The following LIN28B variants were observed in gnomAD, a reference collection of about 807,000 sequenced individuals.
LIN28B encodes lin-28 RNA binding posttranscriptional regulator B.
LIN28B carries 5 observed loss-of-function variants against 21.9 expected under a neutral mutation model. The observed-to-expected ratio is 0.23, with a 90% CI of 0.12 to 0.48. The LOEUF is 0.48. Among genes scored for constraint, LIN28B ranks in the 20% least tolerant of loss-of-function variants. The probability of loss-of-function intolerance (pLI) is 0.98; values close to 1 mark genes in which losing one functional copy is unlikely to be tolerated. For synonymous variants in LIN28B, 109 were observed against 111.3 expected (o/e 0.98, Z 0.13); for missense variants, 245 against 310.5 (o/e 0.79, Z 1.58).
At chr6:105,035,413 A>T (rs1771502964) in intron 3 of LIN28B, among the ~76,000 whole-genome samples, 1 of 152,094 alleles carries the variant, frequency 6.6e-6, no homozygotes, top group Non-Finnish European at 1.5e-5. Context: ...GCATGAATTG[A>T]TAGTCTAGAT....
At chr6:105,064,348 T>C (rs961413079) in intron 3 of LIN28B, among the ~76,000 whole-genome samples, 19 of 152,326 alleles carry the variant, frequency 1.2e-4, no homozygotes, top group African/African-American at 4.6e-4. Context: ...ACTGGCTTTT[T>C]CCACAGTGGG....
chr6:105,031,384 A>G (rs1771419610), intron 3 of LIN28B, among the ~76,000 whole-genome samples: 1 of 152,080 alleles, frequency 6.6e-6, no homozygotes, highest in South Asian at 2.1e-4. Flanking sequence ...AAATAATGAT[A>G]TTAAATAATT....
chr6:104,996,404 A>G (rs1312428107), intron 2 of LIN28B, among the ~76,000 whole-genome samples: 3 of 152,194 alleles, frequency 2.0e-5, no homozygotes, highest in African/African-American at 7.2e-5. Context: ...GTGTTCTCTG[A>G]AATTGTTTAT....
At position 105,082,988 on chromosome 6, in the gene LIN28B, C is replaced by T. The variant is rs1364840796; in HGVS notation, c.*4205C>T. ...AACCGTACTAGAGACCAAAGTGAAC[C>T]CTGATTTTTATATGTCTTTAATAAT... On this transcript the variant is annotated 3_prime_UTR_variant, in exon 4 of 4. Transcript: ENST00000345080. 6.6e-6 allele frequency: 1 copy of T among 152,392 alleles called. No individual in the cohort carries two copies. The allele number at this position is 152,392 out of a possible 1,614,324, so 9.4% of individuals were successfully genotyped here. A position where few individuals can be genotyped will look rare whatever the true frequency, so the allele number is the denominator to read the frequency against.
At chr6:105,076,843 A>G (rs1236476488) in intron 3 of LIN28B, among the ~76,000 whole-genome samples, 1 of 151,800 alleles carries the variant, frequency 6.6e-6, no homozygotes, top group African/African-American at 2.4e-5. Flanking sequence ...TGACCTCATA[A>G]TCCGCCTGTC....
chr6:105,075,060 A>T (rs1024191383), intron 3 of LIN28B, among the ~76,000 whole-genome samples: 1 of 152,232 alleles, frequency 6.6e-6, no homozygotes, highest in Non-Finnish European at 1.5e-5. Context: ...CCATTGGTTC[A>T]GCATTTAATA....
chr6:104,991,328 C>G (rs1770471941), intron 2 of LIN28B, among the ~76,000 whole-genome samples: 1 of 150,602 alleles, frequency 6.6e-6, no homozygotes, highest in African/African-American at 2.4e-5. Flanking sequence ...GGCTCCTCAC[C>G]TCTCAGAGTG....
rs10562331 is a variant in LIN28B, at chr6:104,938,050, C to CAAAAAAAAAAAAA, written c.18+950_18+962dup. 5.4e-5 allele frequency among the ~76,000 whole-genome samples: 4 copies of CAAAAAAAAAAAAA among 73,710 alleles called. 1 individual carries two copies. The highest frequency in any genetic ancestry group is 2.5e-4 in the African/African-American group (4 of 16,268). The allele number at this position is 73,710 out of a possible 152,430, so 48.4% of individuals were successfully genotyped here. ...GCAACAGAGCAAGAACCTGTCTCTA[C>CAAAAAAAAAAAAA]AAAAAAAAAAAAAAAAAAAAAAAAA... On this transcript the variant is annotated intron_variant, in intron 2 of 5. Transcript: ENST00000635857.
intron 3 of LIN28B, among the ~76,000 whole-genome samples, chr6:105,060,208 C>G (rs191867693): frequency 4.6e-5 from 7 of 152,066 alleles, no homozygotes; most frequent in African/African-American, 1.7e-4. Context: ...CAGCCTTTTA[C>G]TCTGTTTTTT....
At chr6:104,971,451 G>T (rs1340197876) in intron 2 of LIN28B, among the ~76,000 whole-genome samples, 1 of 151,930 alleles carries the variant, frequency 6.6e-6, no homozygotes, top group African/African-American at 2.4e-5. Context: ...CAATCTTTTG[G>T]TCTGCTTTTA....
intron 3 of LIN28B, among the ~76,000 whole-genome samples, chr6:105,047,198 G>A: frequency 6.6e-6 from 1 of 152,134 alleles, no homozygotes; most frequent in Admixed American, 6.5e-5. Flanking sequence ...TTTTGTATAA[G>A]GTGTAAGGAA....
chr6:104,977,373 G>A (rs1770121761), intron 2 of LIN28B, among the ~76,000 whole-genome samples: 1 of 152,052 alleles, frequency 6.6e-6, no homozygotes, highest in Non-Finnish European at 1.5e-5. Context: ...CTTTCTCCAA[G>A]GGCTTTCTAG....
intron 3 of LIN28B, among the ~76,000 whole-genome samples, chr6:105,034,469 G>T (rs1771486490): frequency 6.6e-6 from 1 of 151,980 alleles, no homozygotes; most frequent in Non-Finnish European, 1.5e-5. Context: ...AAAAAAAGAT[G>T]TTTGATGTTA....
intron 2 of LIN28B, among the ~76,000 whole-genome samples, chr6:105,019,274 T>G (rs940995285): frequency 4.6e-5 from 7 of 152,166 alleles, no homozygotes; most frequent in African/African-American, 1.4e-4. Flanking sequence ...GCTGTATGTT[T>G]TATGATTCTT....
intron 1 of LIN28B, 91 bp downstream of exon 1, chr6:104,957,351 C>CG (rs77092975): frequency 1.3e-5 from 11 of 834,954 alleles, no homozygotes; most frequent in African/African-American, 9.1e-5. Flanking sequence ...ACCGTCCCCC[C>CG]CTTCCCCTTT....
intron 2 of LIN28B, among the ~76,000 whole-genome samples, chr6:104,960,621 G>T (rs1180514330): frequency 2.7e-5 from 4 of 149,908 alleles, no homozygotes; most frequent in Non-Finnish European, 4.4e-5. Flanking sequence ...TTTTTTTTTT[G>T]AAGTATTCTG....
In LIN28B at chr6:104,986,251, C is replaced by T. The variant is rs139424201; in HGVS notation, c.198+27965C>T. Among the ~76,000 whole-genome samples, 463 of 152,112 alleles carry T rather than the reference C, an allele frequency of 3.0e-3. 2 individuals are homozygous for T. In the Middle Eastern group the frequency reaches 0.054, roughly 18 times the overall value. Reference sequence around the variant, plus strand: ...CCCCAGCTATGCTTCCTGTACAGCCCGAGGAACCATGAGCCAATTAAACAT... The same window carrying T: ...CCCCAGCTATGCTTCCTGTACAGCCTGAGGAACCATGAGCCAATTAAACAT... On this transcript the variant is annotated intron_variant, in intron 2 of 3. Transcript: ENST00000345080.
chr6:105,004,724 T>C (rs1433029025), intron 2 of LIN28B, among the ~76,000 whole-genome samples: 1 of 152,228 alleles, frequency 6.6e-6, no homozygotes, highest in Non-Finnish European at 1.5e-5. Flanking sequence ...TAATTTCCCA[T>C]GTAAGTATCA....
chr6:104,942,933 A>T, intron 2 of LIN28B, among the ~76,000 whole-genome samples: 1 of 152,118 alleles, frequency 6.6e-6, no homozygotes. Context: ...AAATGATTCA[A>T]TAATTATATT....
Sources: gnomAD v4.1 joint callset for allele counts (sites outside exome capture counted in the v4.1 genomes callset) on GRCh38, gnomAD v4.1.1 for gene constraint, MANE v1.5 for transcripts, NCBI Gene and HGNC (gene_info 2026-07-23, HGNC 2026-07-21) for gene names.